PPP1R1B: variants seen among roughly 807,000 people sequenced by gnomAD.
PPP1R1B encodes the protein protein phosphatase 1 regulatory subunit 1B.
PPP1R1B carries 13 observed loss-of-function variants against 28.2 expected under a neutral mutation model. That is an observed-to-expected ratio of 0.46 (90% CI 0.30 to 0.73). The LOEUF (loss-of-function observed/expected upper bound fraction) is 0.73. Among genes scored for constraint, PPP1R1B ranks in the 30% least tolerant of loss-of-function variants. The pLI, the probability that PPP1R1B is intolerant of heterozygous loss-of-function variation, is 0.07. For missense variants in PPP1R1B, 236 were observed against 256.7 expected, an observed-to-expected ratio of 0.92 and a Z score of 0.55; for synonymous variants, 102 against 97.5, an observed-to-expected ratio of 1.05 and a Z score of -0.27.
intron 4 of PPP1R1B, chr17:39,633,428 G>C (rs2056893145): frequency 5.1e-6 from 1 of 194,968 alleles, no homozygotes; most frequent in African/African-American, 2.3e-5. Flanking sequence ...GCCCTCAGCA[G>C]GCTGGGCACC....
At chr17:39,627,684 G>A (rs1015637197) in intron 1 of PPP1R1B, among the ~76,000 whole-genome samples, 20 of 151,914 alleles carry the variant, frequency 1.3e-4, no homozygotes, top group Admixed American at 7.2e-4. Flanking sequence ...TCCTGATCCC[G>A]GGGCAAGAGA....
rs1047673904 is a variant in PPP1R1B at position 39,628,580 on chromosome 17, G to A, written c.82-590G>A. 7.1e-6 allele frequency: 7 copies of A among 985,964 alleles called. No homozygotes were observed. In the African/African-American group the frequency reaches 1.2e-4, roughly 17 times the overall value. 61.1% of individuals were successfully genotyped at this position (985,964 alleles called of 1,614,324 possible). The stretch of plus-strand genomic sequence containing the variant: ...AGAAGCCCAAACCAAGGCCCCCAGA[G>A]AGGTCCCCCAGGCCCCTTTGGGTCC... On this transcript the variant is annotated intron_variant, in intron 1 of 6. Transcript: ENST00000254079.
Position 39,627,380 on chromosome 17 carries a change from C to A in PPP1R1B, c.-13C>A. ...AGTCGCGCACCCCAGCCCCACCGCCCACCCCGCGCGCCATGGACCCCAAGG... is the reference window on the plus strand; with the variant it reads ...AGTCGCGCACCCCAGCCCCACCGCCAACCCCGCGCGCCATGGACCCCAAGG... On this transcript the variant is annotated 5_prime_UTR_variant, in exon 1 of 7. Transcript: ENST00000254079. 1.3e-6 allele frequency: 2 copies of A among 1,592,320 alleles called. No individual in the cohort carries two copies. Among genetic ancestry groups the A allele is most frequent in the Non-Finnish European group, 8.6e-7 (1 of 1,169,172 alleles).
chr17:39,634,051 G>C lies in PPP1R1B; in HGVS notation c.410G>C (p.Ser137Thr). The C allele has an allele frequency of 6.2e-7, 1 of 1,613,948 alleles. No homozygotes were observed. The highest frequency in any genetic ancestry group is 8.5e-7 in the Non-Finnish European group (1 of 1,179,956). Residue 137 changes from serine to threonine, a missense_variant, in exon 5 of 7, where the codon AGC (serine) becomes ACC (threonine). Transcript: ENST00000254079. Reference protein sequence around the residue: ...DDEEEEEEEDSQAEVLKVIRQ... With the variant: ...DDEEEEEEEDTQAEVLKVIRQ... ...GAAGAAGAGGAAGAAGAAGAGGACA[G>C]CCAGGCTGAAGTCCTGAAGGTCATC...
At chr17:39,633,769 T>C (rs1312053685) in intron 4 of PPP1R1B, 114 bp from the exon 5 acceptor site, 2 of 1,544,142 alleles carry the variant, frequency 1.3e-6, no homozygotes, top group South Asian at 1.2e-5. Flanking sequence ...CCTGAGGGGG[T>C]ATTCTCTGCC....
intron 3 of PPP1R1B, 65 bp downstream of exon 3, chr17:39,629,627 C>A: frequency 6.4e-7 from 1 of 1,564,958 alleles, no homozygotes; most frequent in Non-Finnish European, 8.8e-7. Flanking sequence ...TGGACGGGTG[C>A]CTGCAGTGAC....
intron 3 of PPP1R1B, 132 bp from the exon 4 acceptor site, chr17:39,629,835 AGGCTC>A: frequency 1.0e-6 from 1 of 967,804 alleles, no homozygotes; most frequent in Non-Finnish European, 1.6e-6. Flanking sequence ...CAGGGTGGGG[AGGCTC>A]AGCCTAGGTG....
Position 39,636,150 on chromosome 17 carries a change from A to C in PPP1R1B, c.*285A>C. 2 of 468,412 alleles carry C rather than the reference A, an allele frequency of 4.3e-6. No homozygotes were observed. Among genetic ancestry groups the C allele is most frequent in the South Asian group, 2.5e-5 (1 of 40,154 alleles). 29.0% of individuals were successfully genotyped at this position (468,412 alleles called of 1,614,324 possible). A position where few individuals can be genotyped will look rare whatever the true frequency, so the allele number is the denominator to read the frequency against. On this transcript the variant is annotated 3_prime_UTR_variant, in exon 7 of 7. Transcript: ENST00000254079. ...CAGCCCACATTGGAAAATCCAGAAA[A>C]CCGGGAACAGGGATTTGCCCTTCAC... is the stretch of plus-strand genomic sequence containing the variant.
chr17:39,633,327 C>T, intron 4 of PPP1R1B: 1 of 163,116 alleles, frequency 6.1e-6, no homozygotes, highest in Non-Finnish European at 1.4e-5. Context: ...GAGCCCGGGG[C>T]AGGAGTATGT....
At chr17:39,627,518 C>T (rs1209977502) in intron 1 of PPP1R1B, 45 bp downstream of exon 1, 2 of 1,263,632 alleles carry the variant, frequency 1.6e-6, no homozygotes, top group Non-Finnish European at 2.2e-6. Context: ...CGACACACCC[C>T]GCGGGGCTTC....
At chr17:39,634,236 A>G in intron 5 of PPP1R1B, 150 bp downstream of exon 5, 1 of 951,876 alleles carries the variant, frequency 1.1e-6, no homozygotes, top group Non-Finnish European at 1.6e-6. Flanking sequence ...GGTGCCCCGA[A>G]CTCAGCCCTA....
In PPP1R1B at chr17:39,633,975, C is replaced by T. The variant is rs934858687; in HGVS notation, c.334C>T (p.Arg112Trp). Residue 112 changes from arginine (R) to tryptophan (W), a missense_variant, in exon 5 of 7, where the codon CGG (arginine) becomes TGG (tryptophan). Arg to Trp is a moderately radical substitution (Grantham distance 101). Coordinates refer to ENST00000254079, the MANE Select transcript of PPP1R1B (RefSeq NM_032192.4). ...GGAGGAGGATGAGCTGGGGGAGCTT[C>T]GGGAGCTGGGTTATCCAAGAGAGGA... ...SEEEDELGELRELGYPREEDE... is the reference protein window; with the variant it reads ...SEEEDELGELWELGYPREEDE... The T allele has an allele frequency of 4.3e-6, 7 of 1,613,686 alleles. No homozygotes were observed. Among genetic ancestry groups the T allele is most frequent in the South Asian group, 2.2e-5 (2 of 91,072 alleles).
In PPP1R1B at chr17:39,634,073, C is replaced by A; in HGVS notation, c.432C>A (p.Val144=). ...EEDSQAEVLK[V]IRQSAGQKTT... is the part of the protein sequence containing the mutation. ...ACAGCCAGGCTGAAGTCCTGAAGGT[C>A]ATCAGGCAGTCTGGTAAGCTGAGGG... The change falls in exon 5 of 7, where the codon GTC becomes GTA. Residue 144 remains valine (V), a synonymous_variant. Coordinates refer to ENST00000254079, the MANE Select transcript of PPP1R1B (RefSeq NM_032192.4). 1.2e-6 allele frequency: 2 copies of A among 1,613,816 alleles called. No individual in the cohort carries two copies. Among genetic ancestry groups the A allele is most frequent in the South Asian group, 2.2e-5 (2 of 91,052 alleles).
rs117386162 is a variant in PPP1R1B, at chr17:39,630,372, C to A, written c.241+325C>A. The A allele has an allele frequency of 3.7e-3, 1,333 of 361,874 alleles. 6 individuals are homozygous for A. The highest frequency in any genetic ancestry group is 5.9e-3 in the Admixed American group (153 of 25,846). The allele number at this position is 361,874 out of a possible 1,614,324, so 22.4% of individuals were successfully genotyped here. The stretch of plus-strand genomic sequence containing the variant: ...CTCCTCTTCACCAGCCTGTGGTGGA[C>A]CACCTCCCACCCCTGCTCATCCAGG... On this transcript the variant is annotated intron_variant, in intron 4 of 6. Transcript: ENST00000254079.
intron 4 of PPP1R1B, chr17:39,632,096 G>C (rs1297061886): frequency 6.5e-6 from 1 of 152,736 alleles, no homozygotes; most frequent in Non-Finnish European, 1.5e-5. Context: ...GTCCAGGTGA[G>C]TAGAGGCAGG....
intron 4 of PPP1R1B, chr17:39,632,616 C>G (rs887450169): frequency 6.6e-6 from 1 of 152,308 alleles, no homozygotes; most frequent in Non-Finnish European, 1.5e-5. Context: ...GGCTGGAGCT[C>G]TCACACTTGG....
chr17:39,628,287 G>A (rs1488262972), intron 1 of PPP1R1B, among the ~76,000 whole-genome samples: 1 of 152,052 alleles, frequency 6.6e-6, no homozygotes, highest in Non-Finnish European at 1.5e-5. Context: ...ACAGTCCTGG[G>A]CCTAAGCAGC....
chr17:39,626,967 C>T lies in PPP1R1B; in HGVS notation c.-426C>T, dbSNP rs189378616. The T allele has an allele frequency of 2.8e-4, 48 of 169,886 alleles. No individual in the cohort carries two copies. Among genetic ancestry groups the T allele is most frequent in the Middle Eastern group, 2.7e-3 (1 of 374 alleles). The allele number at this position is 169,886 out of a possible 1,614,324, so 10.5% of individuals were successfully genotyped here. On this transcript the variant is annotated 5_prime_UTR_variant, in exon 1 of 7. In the 5' UTR this introduces an upstream ATG that the reference lacks. Coordinates refer to ENST00000254079, the MANE Select transcript of PPP1R1B (RefSeq NM_032192.4). ...TGAGCCCGGCAGAGGCAGAGACACA[C>T]GCGGAGAGGAGGAGAGGCTGAGGGA...
chr17:39,636,025 C>T lies in PPP1R1B; in HGVS notation c.*160C>T, dbSNP rs1032918479. 8.6e-6 allele frequency: 7 copies of T among 814,588 alleles called. No individual in the cohort carries two copies. The highest frequency in any genetic ancestry group is 5.2e-5 in the African/African-American group (3 of 58,138). The allele number at this position is 814,588 out of a possible 1,614,324, so 50.5% of individuals were successfully genotyped here. A position where few individuals can be genotyped will look rare whatever the true frequency, so the allele number is the denominator to read the frequency against. ...GGCTGGTCTGTGTTTGCTTGTTTGC[C>T]CACCTTTGGCTGATACCCAGAGAAC... On this transcript the variant is annotated 3_prime_UTR_variant, in exon 7 of 7. Coordinates refer to ENST00000254079, the MANE Select transcript of PPP1R1B (RefSeq NM_032192.4).
Sources: gnomAD v4.1 joint callset for allele counts (sites outside exome capture counted in the v4.1 genomes callset) on GRCh38, gnomAD v4.1.1 for gene constraint, MANE v1.5 for transcripts, NCBI Gene and HGNC (gene_info 2026-07-23, HGNC 2026-07-21) for gene names.